Variants in DPP10 observed in about 807,000 individuals in gnomAD.
DPP10 encodes inactive dipeptidyl peptidase 10.
DPP10 carries 33 observed loss-of-function variants against 120.9 expected under a neutral mutation model. The ratio of observed to expected loss-of-function variants is 0.27; its 90% CI spans 0.21 to 0.37. The LOEUF is 0.37. Ranked by LOEUF, DPP10 falls within the 10% of genes least tolerant of loss-of-function variation. DPP10 has a pLI of 1.00. For missense variants in DPP10, 816 were observed against 942.8 expected (o/e 0.87, Z 1.76); for synonymous variants, 337 against 326.1 (o/e 1.03, Z -0.36).
chr2:115,626,270 G>T (rs1204071443), intron 5 of DPP10, among the ~76,000 whole-genome samples: 4 of 151,828 alleles, frequency 2.6e-5, no homozygotes, highest in African/African-American at 9.7e-5. Context: ...GAATCAATCA[G>T]ACATACATGA....
chr2:115,760,754 T>TA (rs959954196), intron 11 of DPP10, among the ~76,000 whole-genome samples: 1 of 152,170 alleles, frequency 6.6e-6, no homozygotes, highest in Non-Finnish European at 1.5e-5. Flanking sequence ...ACGTATTTGT[T>TA]AAAGTGTTCT....
chr2:115,793,896 C>A (rs1323103226), intron 19 of DPP10, among the ~76,000 whole-genome samples: 1 of 151,842 alleles, frequency 6.6e-6, no homozygotes, highest in African/African-American at 2.4e-5. Context: ...ATGATCTATT[C>A]TTTTAAATTG....
At chr2:115,322,608 T>C (rs967075368) in intron 2 of DPP10, among the ~76,000 whole-genome samples, 1 of 152,214 alleles carries the variant, frequency 6.6e-6, no homozygotes, top group Non-Finnish European at 1.5e-5. Flanking sequence ...CTTTACCACC[T>C]ACACTGCTTT....
intron 5 of DPP10, among the ~76,000 whole-genome samples, chr2:115,656,600 C>T (rs994647038): frequency 6.6e-6 from 1 of 151,586 alleles, no homozygotes; most frequent in Non-Finnish European, 1.5e-5. Context: ...GCAAAAAACT[C>T]TTGGCTATGA....
At chr2:114,648,409 A>G (rs1278947454) in intron 1 of DPP10, among the ~76,000 whole-genome samples, 1 of 152,148 alleles carries the variant, frequency 6.6e-6, no homozygotes, top group Non-Finnish European at 1.5e-5. Context: ...TTAGATCTAG[A>G]TGATTAAGTC....
intron 1 of DPP10, among the ~76,000 whole-genome samples, chr2:115,084,502 C>T (rs1708533572): frequency 6.6e-6 from 1 of 152,226 alleles, no homozygotes; most frequent in South Asian, 2.1e-4. Flanking sequence ...CTTTCCAGTT[C>T]TGCCTGGTAC....
chr2:115,061,363 T>G lies in DPP10; in HGVS notation c.61-247876T>G, dbSNP rs1228578027. 2.0e-5 allele frequency among the ~76,000 whole-genome samples: 3 copies of G among 152,298 alleles called. No individual in the cohort carries two copies. In the South Asian group the frequency reaches 6.2e-4, roughly 32 times the overall value. On this transcript the variant is annotated intron_variant, in intron 1 of 25. Transcript: ENST00000410059. The stretch of plus-strand genomic sequence containing the variant: ...TCATACCAAAATTGGCCAAATGGCT[T>G]TTGCAGCTGACAGTTTCCAGTTATT...
chr2:115,431,397 A>T (rs1215971410), intron 3 of DPP10, among the ~76,000 whole-genome samples: 2 of 152,166 alleles, frequency 1.3e-5, no homozygotes, highest in African/African-American at 4.8e-5. Context: ...TCATGCAGTC[A>T]GGAATCCCAA....
intron 1 of DPP10, among the ~76,000 whole-genome samples, chr2:115,235,747 G>A (rs572966589): frequency 2.4e-4 from 36 of 152,226 alleles, no homozygotes; most frequent in Admixed American, 5.2e-4. Context: ...ATTTAGCAGA[G>A]ATGGGATTTC....
chr2:115,285,928 C>T (rs186632971), intron 1 of DPP10, among the ~76,000 whole-genome samples: 122 of 152,006 alleles, frequency 8.0e-4, no homozygotes, highest in Non-Finnish European at 1.4e-3. Context: ...GCCTCTTTCC[C>T]GCTACAGGAT....
intron 1 of DPP10, among the ~76,000 whole-genome samples, chr2:114,457,074 A>G (rs1678623155): frequency 6.6e-6 from 1 of 152,222 alleles, no homozygotes; most frequent in African/African-American, 2.4e-5. Flanking sequence ...GATTAAGAGT[A>G]AGATCAAGGA....
chr2:115,103,335 C>T (rs1347178432), intron 1 of DPP10, among the ~76,000 whole-genome samples: 3 of 152,002 alleles, frequency 2.0e-5, no homozygotes, highest in Non-Finnish European at 4.4e-5. Flanking sequence ...CTACAGGCAC[C>T]TGCCACCACG....
intron 3 of DPP10, among the ~76,000 whole-genome samples, chr2:115,359,793 G>A (rs1057079016): frequency 2.0e-5 from 3 of 151,906 alleles, no homozygotes; most frequent in Non-Finnish European, 4.4e-5. Context: ...GTATTTCTTG[G>A]AGGTTTTCTT....
intron 1 of DPP10, among the ~76,000 whole-genome samples, chr2:114,588,871 T>A (rs1050219913): frequency 6.6e-6 from 1 of 152,132 alleles, no homozygotes; most frequent in African/African-American, 2.4e-5. Flanking sequence ...TGTATGTTAC[T>A]GATTGGCACT....
intron 3 of DPP10, among the ~76,000 whole-genome samples, chr2:115,417,899 A>C (rs1354883580): frequency 1.3e-5 from 2 of 152,188 alleles, no homozygotes; most frequent in Non-Finnish European, 2.9e-5. Context: ...TCTTATCTAC[A>C]TGTGTAGATC....
intron 2 of DPP10, among the ~76,000 whole-genome samples, chr2:115,333,699 A>C (rs142381737): frequency 6.6e-6 from 1 of 152,118 alleles, no homozygotes; most frequent in East Asian, 1.9e-4. Flanking sequence ...GTTTGGCTGG[A>C]TATAAAATTC....
At chr2:115,397,249 C>A (rs963119280) in intron 3 of DPP10, among the ~76,000 whole-genome samples, 1 of 152,068 alleles carries the variant, frequency 6.6e-6, no homozygotes, top group African/African-American at 2.4e-5. Context: ...AACCTGGAAA[C>A]AAATCTGACT....
intron 1 of DPP10, among the ~76,000 whole-genome samples, chr2:115,270,147 G>C (rs1465912608): frequency 6.6e-6 from 1 of 150,398 alleles, no homozygotes. Flanking sequence ...TATGCTGGCA[G>C]ACTGACAGTC....
At chr2:114,557,928 C>A (rs1427071342) in intron 1 of DPP10, among the ~76,000 whole-genome samples, 29 of 152,068 alleles carry the variant, frequency 1.9e-4, no homozygotes, top group Non-Finnish European at 2.2e-4. Context: ...GTCTTGAATT[C>A]TTTTTCCAAA....
Sources: allele counts gnomAD v4.1 joint callset (sites outside exome capture counted in the v4.1 genomes callset), GRCh38; gene constraint gnomAD v4.1.1; transcripts MANE v1.5; gene names NCBI Gene and HGNC (gene_info 2026-07-23, HGNC 2026-07-21).